The following CHRDL1 variants were observed in gnomAD, a reference collection of about 807,000 sequenced individuals.
CHRDL1 encodes the protein chordin-like protein 1.
In CHRDL1, 19 loss-of-function variants were observed where a neutral mutation model predicts 40.9. The ratio of observed to expected loss-of-function variants is 0.46; its 90% CI spans 0.32 to 0.68. The LOEUF (loss-of-function observed/expected upper bound fraction) is 0.68. Among genes scored for constraint, CHRDL1 ranks in the 30% least tolerant of loss-of-function variants. The pLI is 0.03. For missense variants in CHRDL1, 329 were observed against 352.1 expected (o/e 0.93, Z 0.53); for synonymous variants, 136 against 123.4 (o/e 1.10, Z -0.68).
At chrX:110,688,360 A>G (rs1215386511) in intron 9 of CHRDL1, among the ~76,000 whole-genome samples, 2 of 112,147 alleles carry the variant, frequency 1.8e-5, no homozygotes, top group African/African-American at 6.5e-5. Context: ...GGTAAGTTCA[A>G]CACTCAGGGA....
intron 4 of CHRDL1, among the ~76,000 whole-genome samples, chrX:110,759,373 T>C (rs975460813): frequency 5.3e-5 from 6 of 112,503 alleles, no homozygotes; most frequent in African/African-American, 1.6e-4. Flanking sequence ...AGGCTGCTTA[T>C]AGCAGAAAAT....
chrX:110,764,414 A>T (rs781587943), intron 2 of CHRDL1, among the ~76,000 whole-genome samples: 2 of 112,151 alleles, frequency 1.8e-5, no homozygotes, highest in East Asian at 5.7e-4. Flanking sequence ...ATGGACATTA[A>T]CCAGTTCCCA....
intron 6 of CHRDL1, among the ~76,000 whole-genome samples, chrX:110,713,833 A>G (rs138049280): frequency 0.019 from 2,178 of 112,081 alleles, 54 homozygotes; most frequent in African/African-American, 0.065. Flanking sequence ...ACCATTTACT[A>G]AATGCATACT....
At position 110,676,262 on chromosome X, in the gene CHRDL1, T is replaced by C. The variant is rs1406618660; in HGVS notation, c.1346A>G (p.Tyr449Cys). 2 of 1,209,457 alleles carry C rather than the reference T, an allele frequency of 1.7e-6. No homozygotes were observed. The highest frequency in any genetic ancestry group is 4.4e-5 in the Admixed American group (2 of 45,956). ...GTGGCCCTTTTCAGATCTCTCCAGG[T>C]ACAAAACCTTGACTAAATCTTCAAG... ...TELEDLVKVL[Y>C]LERSEKGHC Residue 449 changes from tyrosine (Y) to cysteine (C), a missense_variant, in exon 12 of 12, where the codon TAC becomes TGC. By Grantham distance (194) the Tyr-to-Cys change is radical. Coordinates refer to ENST00000372042, the MANE Select transcript of CHRDL1 (RefSeq NM_001143981.2).
At chrX:110,728,987 C>G (rs2071108076) in intron 4 of CHRDL1, among the ~76,000 whole-genome samples, 1 of 111,772 alleles carries the variant, frequency 8.9e-6, no homozygotes, top group Non-Finnish European at 1.9e-5. Flanking sequence ...ATTAGCCAGG[C>G]GTGGTGGCGG....
rs72619705 is a variant in CHRDL1, at chrX:110,780,844, C to T, written c.94+11244G>A. Among the ~76,000 whole-genome samples, 61 of 110,913 alleles carry T rather than the reference C, an allele frequency of 5.5e-4. No individual in the cohort carries two copies. The East Asian group carries it at 0.017, about 31-fold the overall frequency. ...GTTGAATATATATTCATTTTAGTAA[C>T]AATTTTTATTTCCCCTTTTATGATA... On this transcript the variant is annotated intron_variant, in intron 2 of 11. Transcript: ENST00000372042.
At chrX:110,793,039 T>C (rs2090126866) in intron 1 of CHRDL1, among the ~76,000 whole-genome samples, 1 of 112,235 alleles carries the variant, frequency 8.9e-6, no homozygotes, top group African/African-American at 3.2e-5. Context: ...ACACAGAAAG[T>C]TTGCTGTAGC....
At chrX:110,744,235 A>G (rs1317071308) in intron 4 of CHRDL1, among the ~76,000 whole-genome samples, 2 of 112,501 alleles carry the variant, frequency 1.8e-5, no homozygotes, top group African/African-American at 6.5e-5. Context: ...TTTCCATTGA[A>G]TTCTGGACAA....
rs755918023 is a variant in CHRDL1 at position 110,754,141 on chromosome X, C to T, written c.301+5520G>A. Among the ~76,000 whole-genome samples, 3 of 112,003 alleles carry T rather than the reference C, an allele frequency of 2.7e-5. No homozygotes were observed. The South Asian group carries it at 1.1e-3, about 41-fold the overall frequency. ...TGTAAGTGCTTATTACATGATTCTC[C>T]GTGATCTTTGTGCAATTTACTGTTG... On this transcript the variant is annotated intron_variant, in intron 4 of 11. Coordinates refer to ENST00000372042, the MANE Select transcript of CHRDL1 (RefSeq NM_001143981.2).
chrX:110,746,929 T>A (rs184781794), intron 4 of CHRDL1, among the ~76,000 whole-genome samples: 7 of 111,966 alleles, frequency 6.3e-5, no homozygotes, highest in African/African-American at 9.7e-5. Flanking sequence ...GCAGGAATTA[T>A]CATCTCATTT....
chrX:110,791,992 G>A, intron 2 of CHRDL1, 96 bp downstream of exon 2: 1 of 500,130 alleles, frequency 2.0e-6, no homozygotes, highest in Non-Finnish European at 3.3e-6. Flanking sequence ...TAATGGCACG[G>A]CCACATTTGG....
chrX:110,723,689 A>G (rs1046859477), intron 4 of CHRDL1, among the ~76,000 whole-genome samples: 5 of 112,053 alleles, frequency 4.5e-5, no homozygotes, highest in African/African-American at 1.6e-4. Context: ...AACCACTAGA[A>G]CATGAAGGCT....
chrX:110,699,936 T>C (rs951322252), intron 7 of CHRDL1, among the ~76,000 whole-genome samples: 2 of 112,675 alleles, frequency 1.8e-5, no homozygotes, highest in Non-Finnish European at 3.7e-5. Context: ...TGTGCAATGG[T>C]CACCACTGTG....
At chrX:110,744,279 A>G (rs2071410661) in intron 4 of CHRDL1, among the ~76,000 whole-genome samples, 1 of 112,317 alleles carries the variant, frequency 8.9e-6, no homozygotes, top group Admixed American at 9.4e-5. Context: ...CACAGAAAAC[A>G]TTGTAAGTTC....
chrX:110,757,935 A>G (rs1262195958), intron 4 of CHRDL1, among the ~76,000 whole-genome samples: 1 of 109,141 alleles, frequency 9.2e-6, no homozygotes, highest in Non-Finnish European at 1.9e-5. Flanking sequence ...GTTTTGCCCC[A>G]TGCTCTGGGT....
intron 6 of CHRDL1, among the ~76,000 whole-genome samples, chrX:110,712,721 G>A (rs197034): frequency 0.078 from 8,508 of 108,570 alleles, 850 homozygotes; most frequent in African/African-American, 0.27. Context: ...AAAAAAAATT[G>A]GTTGGGCACG....
intron 2 of CHRDL1, among the ~76,000 whole-genome samples, chrX:110,769,466 TCCA>T (rs1460072411): frequency 1.8e-5 from 2 of 111,904 alleles, no homozygotes; most frequent in Non-Finnish European, 3.8e-5. Flanking sequence ...GACCAACCAA[TCCA>T]ATAGAAAAAC....
chrX:110,724,262 C>A (rs182725525), intron 4 of CHRDL1, among the ~76,000 whole-genome samples: 6 of 112,156 alleles, frequency 5.3e-5, no homozygotes, highest in East Asian at 5.6e-4. Flanking sequence ...TTGAACCGGG[C>A]CTTCTACCAA....
chrX:110,694,712 C>T (rs1282551774), intron 7 of CHRDL1, among the ~76,000 whole-genome samples: 1 of 112,164 alleles, frequency 8.9e-6, no homozygotes, highest in Non-Finnish European at 1.9e-5. Flanking sequence ...TGAATAGAGG[C>T]TGCAGAAGAA....
Sources: allele counts gnomAD v4.1 joint callset (sites outside exome capture counted in the v4.1 genomes callset), GRCh38; gene constraint gnomAD v4.1.1; transcripts MANE v1.5; gene names NCBI Gene and HGNC (gene_info 2026-07-23, HGNC 2026-07-21).